The following CASP9 variants were observed in gnomAD, a reference collection of about 807,000 sequenced individuals.
CASP9 encodes caspase 9, also known as caspase-9.
CASP9 carries 29 observed loss-of-function variants against 43.5 expected under a neutral mutation model. The ratio of observed to expected loss-of-function variants is 0.67; its 90% confidence interval spans 0.50 to 0.91. The LOEUF (loss-of-function observed/expected upper bound fraction) is 0.91, where lower values mean the gene tolerates loss of function less well. Among genes scored for constraint, CASP9 ranks in the 40% least tolerant of loss-of-function variants. The pLI is 0.00. For missense variants in CASP9, 575 were observed against 537.4 expected, an observed-to-expected ratio of 1.07 and a Z score of -0.69; for synonymous variants, 206 against 211.9, an observed-to-expected ratio of 0.97 and a Z score of 0.24.
At chr1:15,524,765 C>T (rs1456666374), upstream of CASP9, 17 of 1,007,474 alleles carry the variant, frequency 1.7e-5, no homozygotes, top group Non-Finnish European at 2.0e-5. Context: ...GCCACCGCGT[C>T]ACCGCCCACT....
rs1709501217 is a variant in CASP9, at chr1:15,505,937, T to C, written c.720+53A>G. 10 of 1,424,268 alleles carry C rather than the reference T, an allele frequency of 7.0e-6. No individual in the cohort carries two copies. The South Asian group carries it at 1.1e-4, about 16-fold the overall frequency. 88.2% of individuals were successfully genotyped at this position (1,424,268 alleles called of 1,614,324 possible). On this transcript the variant is annotated intron_variant, in intron 5 of 8. Transcript: ENST00000333868. ...AGGGACATGGCCCCTGCACAGCCTCTTGGCACGGCCAGTACCCAATGCCTG... is the reference window on the plus strand; with the variant it reads ...AGGGACATGGCCCCTGCACAGCCTCCTGGCACGGCCAGTACCCAATGCCTG...
chr1:15,513,175 A>C (rs1380548396), intron 2 of CASP9, among the ~76,000 whole-genome samples: 1 of 151,924 alleles, frequency 6.6e-6, no homozygotes, highest in Non-Finnish European at 1.5e-5. Context: ...AAAAAAAAAA[A>C]AACGAACGGC....
chr1:15,507,257 C>G (rs949179266), intron 3 of CASP9, 182 bp from the exon 4 acceptor site: 4 of 615,940 alleles, frequency 6.5e-6, no homozygotes, highest in African/African-American at 1.8e-5. Context: ...GGTGACCCCC[C>G]CATCTTGGTA....
In CASP9 at chr1:15,524,064, C is replaced by T; in HGVS notation, c.132+5G>A. 2 of 1,495,362 alleles carry T rather than the reference C, an allele frequency of 1.3e-6. No individual in the cohort carries two copies. The highest frequency in any genetic ancestry group is 1.8e-6 in the Non-Finnish European group (2 of 1,124,800). 92.6% of individuals were successfully genotyped at this position (1,495,362 alleles called of 1,614,324 possible). ...CAGCGCGGGGACAGGGGGCCGGGGGCGCACCTGGATGTCCTCGATCATATG... is the reference window on the plus strand; with the variant it reads ...CAGCGCGGGGACAGGGGGCCGGGGGTGCACCTGGATGTCCTCGATCATATG... On this transcript the variant is annotated splice_donor_5th_base_variant and intron_variant, in intron 1 of 8. Coordinates refer to ENST00000333868, the MANE Select transcript of CASP9 (RefSeq NM_001229.5).
intron 2 of CASP9, among the ~76,000 whole-genome samples, chr1:15,513,958 T>G (rs1388218839): frequency 1.3e-5 from 2 of 152,132 alleles, no homozygotes; most frequent in Non-Finnish European, 2.9e-5. Context: ...CTCAAACAAT[T>G]AATACATGTG....
At chr1:15,515,757 T>TA (rs1276794091) in intron 2 of CASP9, among the ~76,000 whole-genome samples, 2 of 152,180 alleles carry the variant, frequency 1.3e-5, no homozygotes, top group Admixed American at 6.5e-5. Context: ...GGTGAGATTA[T>TA]AAAATGACAC....
rs200430257 is a variant in CASP9 at position 15,506,860 on chromosome 1, G to A, written c.630+39C>T. 1.9e-4 allele frequency: 277 copies of A among 1,450,504 alleles called. 2 individuals carry two copies. In the East Asian group the frequency reaches 5.1e-3, roughly 27 times the overall value. 89.9% of individuals were successfully genotyped at this position (1,450,504 alleles called of 1,614,324 possible). On this transcript the variant is annotated intron_variant, in intron 4 of 8. Transcript: ENST00000333868. The stretch of plus-strand genomic sequence containing the variant: ...CTCAAAAGATACTTCCCCACCCACT[G>A]CCCCCCACCCTGTCTCCCTCCACAG...
At chr1:15,506,154 A>C (rs1709511963) in intron 4 of CASP9, 75 bp from the exon 5 acceptor site, 8 of 1,012,898 alleles carry the variant, frequency 7.9e-6, no homozygotes, top group African/African-American at 1.6e-5. Flanking sequence ...CTAACAATAA[A>C]AGGGCCCAGC....
chr1:15,496,003 C>T (rs1570827117), intron 6 of CASP9, among the ~76,000 whole-genome samples: 1 of 152,182 alleles, frequency 6.6e-6, no homozygotes, highest in South Asian at 2.1e-4. Context: ...TTCTCAATAT[C>T]CTGCCCTTTC....
chr1:15,498,617 C>A (rs561228937), intron 6 of CASP9, among the ~76,000 whole-genome samples: 4 of 152,066 alleles, frequency 2.6e-5, no homozygotes, highest in Non-Finnish European at 5.9e-5. Flanking sequence ...CTGTCAAGAT[C>A]ACAGTGTCCC....
rs1224471242 is a variant in CASP9 at position 15,507,092 on chromosome 1, C to T, written c.454-17G>A. On this transcript the variant is annotated splice_polypyrimidine_tract_variant and intron_variant, in intron 3 of 8. Coordinates refer to ENST00000333868, the MANE Select transcript of CASP9 (RefSeq NM_001229.5). ...GATGTAAGCCTGCCAGCACAGGGAC[C>T]CACGTAAACCCGGGCTCTCCCCACG... 1.2e-6 allele frequency: 2 copies of T among 1,612,602 alleles called. No individual in the cohort carries two copies. The highest frequency in any genetic ancestry group is 8.5e-7 in the Non-Finnish European group (1 of 1,178,944).
intron 6 of CASP9, among the ~76,000 whole-genome samples, chr1:15,498,720 T>C (rs1166111688): frequency 3.3e-5 from 5 of 150,802 alleles, no homozygotes; most frequent in Non-Finnish European, 5.9e-5. Flanking sequence ...GAACACCAGA[T>C]TCCATGGATC....
chr1:15,506,893 G>A lies in CASP9; in HGVS notation c.630+6C>T. The A allele has an allele frequency of 1.2e-6, 2 of 1,607,508 alleles. No homozygotes were observed. The highest frequency in any genetic ancestry group is 1.7e-6 in the Non-Finnish European group (2 of 1,174,340). ...CCCTGTCTCCCTCCACAGATAGTGA[G>A]TGTACCTTGGCAGTCAGGTCGCCCT... On this transcript the variant is annotated splice_donor_region_variant and intron_variant, in intron 4 of 8. Coordinates refer to ENST00000333868, the MANE Select transcript of CASP9 (RefSeq NM_001229.5).
At chr1:15,523,811 GAATT>G (rs1470392489) in intron 1 of CASP9, among the ~76,000 whole-genome samples, 2 of 152,176 alleles carry the variant, frequency 1.3e-5, no homozygotes, top group Non-Finnish European at 2.9e-5. Flanking sequence ...TCCAATTCAT[GAATT>G]GTTTCTTATT....
intron 1 of CASP9, among the ~76,000 whole-genome samples, chr1:15,520,687 C>T (rs1158084432): frequency 2.0e-5 from 3 of 152,238 alleles, no homozygotes; most frequent in Non-Finnish European, 4.4e-5. Context: ...GGCGCGGTGG[C>T]TCACGCCTGT....
chr1:15,509,180 CTT>C (rs1265596907), intron 2 of CASP9, among the ~76,000 whole-genome samples: 1 of 152,176 alleles, frequency 6.6e-6, no homozygotes, highest in Admixed American at 6.5e-5. Context: ...GAGCTCTTCT[CTT>C]TCTTTCACCT....
At chr1:15,507,258 C>G (rs1044904289) in intron 3 of CASP9, 183 bp from the exon 4 acceptor site, 10 of 614,320 alleles carry the variant, frequency 1.6e-5, no homozygotes, top group East Asian at 2.9e-5. Flanking sequence ...GTGACCCCCC[C>G]ATCTTGGTAT....
exon 1 of CASP9, chr1:15,524,212 AACTAAG>A (rs1309304156): frequency 6.5e-7 from 1 of 1,540,258 alleles, no homozygotes; most frequent in Non-Finnish European, 8.7e-7. Flanking sequence ...GCGAGTAGCC[AACTAAG>A]ACTCCAGGCC....
In CASP9 at chr1:15,524,030, C is replaced by T. The variant is rs757254233; in HGVS notation, c.132+39G>A. ...ACGCCTCCTCGAGGGGCGTGGGGAC[C>T]CGGCCGTGCAGCGCGGGGACAGGGG... On this transcript the variant is annotated intron_variant, in intron 1 of 8. Transcript: ENST00000333868. 7.1e-6 allele frequency: 10 copies of T among 1,415,662 alleles called. No individual in the cohort carries two copies. In the South Asian group the frequency reaches 1.2e-4, roughly 16 times the overall value. The allele number at this position is 1,415,662 out of a possible 1,614,324, so 87.7% of individuals were successfully genotyped here.
Sources: gnomAD v4.1 joint callset for allele counts (sites outside exome capture counted in the v4.1 genomes callset) on GRCh38, gnomAD v4.1.1 for gene constraint, MANE v1.5 for transcripts, NCBI Gene and HGNC (gene_info 2026-07-23, HGNC 2026-07-21) for gene names.